Variants in CTNNAL1 observed in about 807,000 individuals in gnomAD.
CTNNAL1 encodes the protein catenin alpha like 1.
Under a neutral mutation model 93.6 loss-of-function variants are expected in CTNNAL1, and 69 were observed. That is an observed-to-expected ratio of 0.74 (90% CI 0.61 to 0.90). CTNNAL1 has a LOEUF of 0.90. Among genes scored for constraint, CTNNAL1 ranks in the 40% least tolerant of loss-of-function variants. The pLI is 0.00. For missense variants in CTNNAL1, 836 were observed against 862.0 expected (o/e 0.97, Z 0.38); for synonymous variants, 286 against 305.4 (o/e 0.94, Z 0.66).
chr9:109,005,218 C>T (rs983380840), intron 1 of CTNNAL1, among the ~76,000 whole-genome samples: 2 of 152,068 alleles, frequency 1.3e-5, no homozygotes, highest in Non-Finnish European at 2.9e-5. Flanking sequence ...CCAGCTTAAT[C>T]CTTTTCCACA....
chr9:108,966,744 C>G (rs2132121268), intron 10 of CTNNAL1, among the ~76,000 whole-genome samples: 1 of 152,152 alleles, frequency 6.6e-6, no homozygotes, highest in Admixed American at 6.5e-5. Context: ...GAATAACTAA[C>G]ATTTTATCTT....
rs1831156476 is a variant in CTNNAL1, at chr9:108,972,853, TGGGGGGGTGGGAG to T, written c.1189-33_1189-21del. 1.9e-5 allele frequency: 1 copy of T among 53,964 alleles called. No individual in the cohort carries two copies. The highest frequency in any genetic ancestry group is 2.6e-5 in the Non-Finnish European group (1 of 37,742). The allele number at this position is 53,964 out of a possible 1,614,324, so 3.3% of individuals were successfully genotyped here. ...ATGAAGCTGCAGATGTGTGTGTGGG[TGGGGGGGTGGGAG>T]GGTGGAGAAGGAGAAGGGTGATGAA... On this transcript the variant is annotated intron_variant, in intron 8 of 18. Transcript: ENST00000325551.
rs984876459 is a variant in CTNNAL1 at position 109,006,462 on chromosome 9, G to A, written c.141+6840C>T. ...TACCTACACTCTTAATCACTACACC[G>A]TCTCTCTTACCTTCCAGGATTATGT... On this transcript the variant is annotated intron_variant, in intron 1 of 18. Coordinates refer to ENST00000325551, the MANE Select transcript of CTNNAL1 (RefSeq NM_003798.4). 2.6e-5 allele frequency among the ~76,000 whole-genome samples: 4 copies of A among 152,112 alleles called. No homozygotes were observed. The South Asian group carries it at 6.2e-4, about 24-fold the overall frequency.
At chr9:108,970,030 C>A (rs1167652286) in intron 10 of CTNNAL1, among the ~76,000 whole-genome samples, 1 of 152,076 alleles carries the variant, frequency 6.6e-6, no homozygotes, top group Non-Finnish European at 1.5e-5. Flanking sequence ...AGTCTCATGT[C>A]CTAATTATTA....
At chr9:108,988,902 G>T (rs962395106) in intron 4 of CTNNAL1, among the ~76,000 whole-genome samples, 17 of 152,148 alleles carry the variant, frequency 1.1e-4, no homozygotes, top group African/African-American at 4.1e-4. Flanking sequence ...CTCTTTGCAG[G>T]ATATTTTGAC....
At chr9:108,981,750 C>T (rs1831436366) in intron 6 of CTNNAL1, among the ~76,000 whole-genome samples, 1 of 151,998 alleles carries the variant, frequency 6.6e-6, no homozygotes, top group South Asian at 2.1e-4. Context: ...CATGGCAAAA[C>T]CCCATCTCTA....
chr9:109,002,365 T>G (rs1172673332), intron 1 of CTNNAL1, among the ~76,000 whole-genome samples: 1 of 152,144 alleles, frequency 6.6e-6, no homozygotes, highest in African/African-American at 2.4e-5. Context: ...AGGATTAAGT[T>G]CCAACATATA....
Position 108,983,283 on chromosome 9 carries a change from G to T in CTNNAL1, c.762C>A (p.Ala254=). 1.9e-6 allele frequency: 3 copies of T among 1,560,430 alleles called. No homozygotes were observed. Among genetic ancestry groups the T allele is most frequent in the Non-Finnish European group, 2.6e-6 (3 of 1,154,156 alleles). ...CAAATACTCCTTCTTTGTTTTTATG[G>T]GCTGATTCGCAGTTAGGATGCCTCA... The part of the protein sequence containing the change: ...TCLRHPNCES[A]HKNKEGVFDR... The change falls in exon 6 of 19, where the codon GCC becomes GCA. Residue 254 remains alanine (A), a synonymous_variant. Transcript: ENST00000325551.
At chr9:108,972,473 G>C (rs1414035949) in intron 9 of CTNNAL1, among the ~76,000 whole-genome samples, 1 of 152,120 alleles carries the variant, frequency 6.6e-6, no homozygotes, top group Non-Finnish European at 1.5e-5. Flanking sequence ...GTTCATTTGT[G>C]GGTCTTAGCA....
At chr9:108,965,076 G>A (rs1277905086) in intron 11 of CTNNAL1, among the ~76,000 whole-genome samples, 1 of 151,914 alleles carries the variant, frequency 6.6e-6, no homozygotes, top group Admixed American at 6.6e-5. Context: ...GCCAGGTTGG[G>A]CTCGAACTCC....
intron 1 of CTNNAL1, among the ~76,000 whole-genome samples, chr9:109,009,299 C>T (rs1827138325): frequency 2.7e-5 from 1 of 36,464 alleles, no homozygotes; most frequent in African/African-American, 1.5e-4. Context: ...AATGAAGATA[C>T]TGCCCTATTT....
At chr9:108,979,628 T>C (rs1831369761) in intron 6 of CTNNAL1, 147 bp from the exon 7 acceptor site, 3 of 706,476 alleles carry the variant, frequency 4.2e-6, no homozygotes, top group Non-Finnish European at 7.1e-6. Context: ...ATGATATCTA[T>C]ATTCGCCACT....
intron 8 of CTNNAL1, 31 bp from the exon 9 acceptor site, chr9:108,972,864 G>GGGGGCCCCCC: frequency 7.4e-4 from 105 of 141,944 alleles, no homozygotes; most frequent in Non-Finnish European, 9.9e-4. Flanking sequence ...GGGGGGGTGG[G>GGGGGCCCCCC]AGGGTGGAGA....
intron 6 of CTNNAL1, among the ~76,000 whole-genome samples, chr9:108,981,329 C>T (rs1288029698): frequency 6.6e-6 from 1 of 152,124 alleles, no homozygotes; most frequent in Non-Finnish European, 1.5e-5. Context: ...CAGTTTCTTT[C>T]CCCTCAGGAA....
intron 1 of CTNNAL1, among the ~76,000 whole-genome samples, chr9:109,002,516 G>A (rs1404315170): frequency 6.6e-6 from 1 of 152,196 alleles, no homozygotes; most frequent in African/African-American, 2.4e-5. Context: ...TCATTAACAT[G>A]AAAGGGAGAA....
At chr9:108,979,196 GT>G in intron 7 of CTNNAL1, 84 bp downstream of exon 7, 1 of 1,512,592 alleles carries the variant, frequency 6.6e-7, no homozygotes, top group Non-Finnish European at 9.0e-7. Context: ...CATACTCCTG[GT>G]GATTATGTAA....
chr9:108,948,173 A>G lies in CTNNAL1; in HGVS notation c.1884+13T>C, dbSNP rs773859581. The G allele has an allele frequency of 6.2e-7, 1 of 1,610,096 alleles. No homozygotes were observed. The highest frequency in any genetic ancestry group is 2.2e-5 in the East Asian group (1 of 44,692). ...AAATTAAAGTACTAGCATAAAACGG[A>G]AACAAGGCATACCTCTAGTTGATGA... On this transcript the variant is annotated intron_variant, in intron 15 of 18. Transcript: ENST00000325551.
rs999491169 is a variant in CTNNAL1 at position 108,958,128 on chromosome 9, A to G, written c.1592-2301T>C. On this transcript the variant is annotated intron_variant, in intron 11 of 18. Coordinates refer to ENST00000325551, the MANE Select transcript of CTNNAL1 (RefSeq NM_003798.4). ...AAAATAAATAAATAATAAAGAAAAA[A>G]GAATTTTGAATTTTGAAAGGGCACT... is the stretch of plus-strand genomic sequence containing the variant. Among the ~76,000 whole-genome samples, 15 of 152,058 alleles carry G rather than the reference A, an allele frequency of 9.9e-5. No homozygotes were observed. In the East Asian group the frequency reaches 2.9e-3, roughly 29 times the overall value.
chr9:108,969,959 C>A (rs1831062745), intron 10 of CTNNAL1, among the ~76,000 whole-genome samples: 1 of 152,182 alleles, frequency 6.6e-6, no homozygotes, highest in Non-Finnish European at 1.5e-5. Flanking sequence ...GTGTTAGCCA[C>A]CATGCCTGGT....
Sources: gnomAD v4.1 joint callset for allele counts (sites outside exome capture counted in the v4.1 genomes callset) on GRCh38, gnomAD v4.1.1 for gene constraint, MANE v1.5 for transcripts, NCBI Gene and HGNC (gene_info 2026-07-23, HGNC 2026-07-21) for gene names.